Variants in HIPK2 observed in about 807,000 individuals in gnomAD.
HIPK2 encodes homeodomain-interacting protein kinase 2.
HIPK2 carries 27 observed loss-of-function variants against 113.7 expected under a neutral mutation model. That is an observed-to-expected ratio of 0.24 (90% CI 0.17 to 0.33). The LOEUF is 0.33. HIPK2 is among the 10% of genes least tolerant of loss of function. HIPK2 has a pLI of 1.00. For synonymous variants in HIPK2, 631 were observed against 642.2 expected, an observed-to-expected ratio of 0.98 and a Z score of 0.26; for missense variants, 1,257 against 1,588.0, an observed-to-expected ratio of 0.79 and a Z score of 3.54.
intron 1 of HIPK2, among the ~76,000 whole-genome samples, chr7:139,759,698 A>G (rs990459903): frequency 2.0e-5 from 3 of 152,208 alleles, no homozygotes; most frequent in African/African-American, 7.2e-5. Context: ...GTGTTATGTT[A>G]TCCTTTGTGT....
intron 11 of HIPK2, among the ~76,000 whole-genome samples, chr7:139,597,875 T>C (rs1218540853): frequency 6.6e-6 from 1 of 152,188 alleles, no homozygotes; most frequent in South Asian, 2.1e-4. Context: ...AGGGTGAACA[T>C]CTTTTACCTG....
At chr7:139,686,306 G>T (rs1044124956) in intron 2 of HIPK2, among the ~76,000 whole-genome samples, 2 of 152,122 alleles carry the variant, frequency 1.3e-5, no homozygotes, top group Non-Finnish European at 2.9e-5. Context: ...TGCTTCTTAT[G>T]AACGAGCAAA....
At chr7:139,718,948 A>G (rs1483729717) in intron 1 of HIPK2, among the ~76,000 whole-genome samples, 3 of 152,152 alleles carry the variant, frequency 2.0e-5, no homozygotes, top group East Asian at 1.9e-4. Context: ...TCTTGAAGGT[A>G]AATGACTTCC....
intron 12 of HIPK2, among the ~76,000 whole-genome samples, chr7:139,587,034 A>G (rs180977867): frequency 6.6e-6 from 1 of 152,328 alleles, no homozygotes; most frequent in East Asian, 1.9e-4. Flanking sequence ...GCTATACAGC[A>G]TTATGAATAT....
chr7:139,585,328 G>C (rs11979937), intron 12 of HIPK2, among the ~76,000 whole-genome samples: 1,772 of 152,342 alleles, frequency 0.012, 28 homozygotes, highest in African/African-American at 0.039. Context: ...AGCCAGGCAG[G>C]AGGGACAGAA....
At chr7:139,751,302 T>C (rs1796274201) in intron 1 of HIPK2, among the ~76,000 whole-genome samples, 1 of 152,182 alleles carries the variant, frequency 6.6e-6, no homozygotes, top group Non-Finnish European at 1.5e-5. Flanking sequence ...CTTTCTCTTC[T>C]GGAGAGACAG....
intron 11 of HIPK2, among the ~76,000 whole-genome samples, chr7:139,597,467 T>C (rs1799263821): frequency 6.6e-6 from 1 of 152,202 alleles, no homozygotes; most frequent in Non-Finnish European, 1.5e-5. Context: ...TTTGGTTTCC[T>C]TGCTAATGGT....
At chr7:139,611,070 A>C (rs1480994613) in intron 9 of HIPK2, among the ~76,000 whole-genome samples, 1 of 152,216 alleles carries the variant, frequency 6.6e-6, no homozygotes, top group African/African-American at 2.4e-5. Context: ...TTTGGGAACT[A>C]TCTCCAGTGT....
chr7:139,707,037 T>C (rs779210477), intron 2 of HIPK2, among the ~76,000 whole-genome samples: 2 of 152,188 alleles, frequency 1.3e-5, no homozygotes, highest in African/African-American at 4.8e-5. Flanking sequence ...CCTCAACCCC[T>C]GCGACCAGAG....
At chr7:139,776,112 G>A (rs1022803401) in intron 1 of HIPK2, among the ~76,000 whole-genome samples, 1 of 152,120 alleles carries the variant, frequency 6.6e-6, no homozygotes, top group African/African-American at 2.4e-5. Flanking sequence ...GGGTTCTCCC[G>A]CATGTTCACA....
At chr7:139,614,914 T>C (rs1799981504) in intron 7 of HIPK2, among the ~76,000 whole-genome samples, 1 of 152,248 alleles carries the variant, frequency 6.6e-6, no homozygotes, top group Non-Finnish European at 1.5e-5. Flanking sequence ...ATGGGATTCC[T>C]TGGGTTCTGT....
intron 2 of HIPK2, among the ~76,000 whole-genome samples, chr7:139,673,432 C>G (rs1306841525): frequency 6.6e-6 from 1 of 152,148 alleles, no homozygotes; most frequent in African/African-American, 2.4e-5. Context: ...TGCCTCTGAG[C>G]ATACGGCCAA....
Position 139,573,077 on chromosome 7 carries a change from G to A in HIPK2, c.3447C>T (p.Gly1149=), listed in dbSNP as rs982930943. The change falls in exon 15 of 15, where the codon GGC becomes GGT. Residue 1149 remains glycine, a synonymous_variant. Coordinates refer to ENST00000406875, the MANE Select transcript of HIPK2 (RefSeq NM_022740.5). ...TGGTGGGCGAGGGCAGGACCCGGGG[G>A]CCCATGCTCACGGGGACCTGGTGGA... ...SIVHQVPVSM[G]PRVLPSPTIH... is the part of the protein sequence containing the mutation. 1 of 1,612,048 alleles carries A rather than the reference G, an allele frequency of 6.2e-7. No homozygotes were observed. Among genetic ancestry groups the A allele is most frequent in the Admixed American group, 1.7e-5 (1 of 59,644 alleles).
chr7:139,741,865 C>T (rs1309214521), intron 1 of HIPK2, among the ~76,000 whole-genome samples: 1 of 152,170 alleles, frequency 6.6e-6, no homozygotes, highest in Non-Finnish European at 1.5e-5. Flanking sequence ...TGAAAAATGT[C>T]AGAGAAAACA....
intron 1 of HIPK2, among the ~76,000 whole-genome samples, chr7:139,749,363 A>G (rs1032506699): frequency 2.0e-5 from 3 of 152,246 alleles, no homozygotes; most frequent in Non-Finnish European, 2.9e-5. Flanking sequence ...ATTACCTATG[A>G]ATTCAGGCAG....
intron 2 of HIPK2, among the ~76,000 whole-genome samples, chr7:139,689,751 G>C (rs1794342157): frequency 6.6e-6 from 1 of 152,178 alleles, no homozygotes; most frequent in Admixed American, 6.5e-5. Context: ...CCAAGCTATG[G>C]CTTGCGCTTT....
intron 13 of HIPK2, among the ~76,000 whole-genome samples, chr7:139,579,665 G>A (rs939642175): frequency 6.7e-6 from 1 of 149,806 alleles, no homozygotes; most frequent in Non-Finnish European, 1.5e-5. Flanking sequence ...CCTGGGGACA[G>A]AAGTTTCTGG....
chr7:139,596,637 A>G, intron 12 of HIPK2, 80 bp downstream of exon 12: 9 of 1,535,484 alleles, frequency 5.9e-6, no homozygotes, highest in Non-Finnish European at 8.0e-6. Flanking sequence ...CTTATGTTTG[A>G]TGATGGAAGA....
Position 139,604,067 on chromosome 7 carries a change from G to A in HIPK2, c.2255+14C>T, listed in dbSNP as rs1172017665. ...CAGACACACCCACTCACCCTAGAGG[G>A]GTTTCCTGCTTACCTCCAGTCCGCC... On this transcript the variant is annotated intron_variant, in intron 10 of 14. Transcript: ENST00000406875. 6.2e-7 allele frequency: 1 copy of A among 1,613,726 alleles called. No individual in the cohort carries two copies. Among genetic ancestry groups the A allele is most frequent in the South Asian group, 1.1e-5 (1 of 91,074 alleles).
Sources: allele counts gnomAD v4.1 joint callset (sites outside exome capture counted in the v4.1 genomes callset), GRCh38; gene constraint gnomAD v4.1.1; transcripts MANE v1.5; gene names NCBI Gene and HGNC (gene_info 2026-07-23, HGNC 2026-07-21).